The following XPO4 variants were observed in gnomAD, a reference collection of about 807,000 sequenced individuals.
XPO4 encodes exportin 4.
A neutral mutation model predicts 143.0 loss-of-function variants in XPO4; 39 were observed. The ratio of observed to expected loss-of-function variants is 0.27; its 90% CI spans 0.21 to 0.36. The LOEUF (loss-of-function observed/expected upper bound fraction) is 0.36, where lower values mean the gene tolerates loss of function less well. Ranked by LOEUF, XPO4 falls within the 10% of genes least tolerant of loss-of-function variation. The probability of loss-of-function intolerance (pLI) is 1.00; values close to 1 mark genes in which losing one functional copy is unlikely to be tolerated. For missense variants in XPO4, 907 were observed against 1,348.0 expected (o/e 0.67, Z 5.12); for synonymous variants, 439 against 474.0 (o/e 0.93, Z 0.96).
chr13:20,783,708 T>A lies in XPO4; in HGVS notation c.*14A>T, dbSNP rs574310674. The A allele has an allele frequency of 6.2e-7, 1 of 1,613,408 alleles. No homozygotes were observed. The highest frequency in any genetic ancestry group is 2.2e-5 in the East Asian group (1 of 44,878). ...TTGCAGAAAGGATCTAAATTAAGCA[T>A]AAAGTTCTGTTGTTTATTTTACACA... On this transcript the variant is annotated 3_prime_UTR_variant, in exon 23 of 23. Coordinates refer to ENST00000255305, the MANE Select transcript of XPO4 (RefSeq NM_022459.5).
At chr13:20,823,100 T>A (rs963097999) in intron 7 of XPO4, among the ~76,000 whole-genome samples, 2 of 152,202 alleles carry the variant, frequency 1.3e-5, no homozygotes, top group African/African-American at 2.4e-5. Context: ...AGTGAAGGAA[T>A]ATGATCATTA....
At position 20,777,360 on chromosome 13, in the gene XPO4, A is replaced by G. The variant is rs1002262946; in HGVS notation, c.*6362T>C. The G allele has an allele frequency of 1.3e-5, 2 of 152,228 alleles. No homozygotes were observed. Among genetic ancestry groups the G allele is most frequent in the Admixed American group, 1.3e-4 (2 of 15,290 alleles). 9.4% of individuals were successfully genotyped at this position (152,228 alleles called of 1,614,324 possible). A position where few individuals can be genotyped will look rare whatever the true frequency, so the allele number is the denominator to read the frequency against. ...TTAAATACAATGGAATTTATTGAGCATCTACTATTATATTTCATCCATCAC... is the reference window on the plus strand; with the variant it reads ...TTAAATACAATGGAATTTATTGAGCGTCTACTATTATATTTCATCCATCAC... On this transcript the variant is annotated 3_prime_UTR_variant, in exon 23 of 23. Coordinates refer to ENST00000255305, the MANE Select transcript of XPO4 (RefSeq NM_022459.5).
chr13:20,801,488 T>G (rs1253767469), intron 13 of XPO4, among the ~76,000 whole-genome samples: 1 of 152,220 alleles, frequency 6.6e-6, no homozygotes, highest in Non-Finnish European at 1.5e-5. Context: ...TTAAATCCAA[T>G]ATTTCCTAGT....
chr13:20,804,497 A>G (rs1426983468), intron 13 of XPO4, among the ~76,000 whole-genome samples: 3 of 151,528 alleles, frequency 2.0e-5, no homozygotes, highest in South Asian at 2.1e-4. Flanking sequence ...GTCACTGCCT[A>G]AAGTACTCTT....
rs1351413197 is a variant in XPO4, at chr13:20,779,124, C to A, written c.*4598G>T. ...GGGTCTTTAAATAAAACTGAAAAGT[C>A]TTAGTGTAAGTTTAAAATTTTAATA... On this transcript the variant is annotated 3_prime_UTR_variant, in exon 23 of 23. Transcript: ENST00000255305. 1.3e-5 allele frequency: 2 copies of A among 151,964 alleles called. No homozygotes were observed. The highest frequency in any genetic ancestry group is 2.9e-5 in the Non-Finnish European group (2 of 67,990). 9.4% of individuals were successfully genotyped at this position (151,964 alleles called of 1,614,324 possible). A position where few individuals can be genotyped will look rare whatever the true frequency, so the allele number is the denominator to read the frequency against.
Position 20,796,257 on chromosome 13 carries a change from C to CT in XPO4, c.2617-2dup. 2.0e-6 allele frequency: 3 copies of CT among 1,537,074 alleles called. No homozygotes were observed. Among genetic ancestry groups the CT allele is most frequent in the African/African-American group, 1.5e-5 (1 of 68,508 alleles). ...CTTCATATAAGTTCATAGCTTTGGACTGAAAAAAAAAAAAATGCACAAATT... is the reference window on the plus strand; with the variant it reads ...CTTCATATAAGTTCATAGCTTTGGACTTGAAAAAAAAAAAAATGCACAAATT... On this transcript the variant is annotated splice_acceptor_variant, in intron 17 of 22. Transcript: ENST00000255305. LOFTEE classifies it high-confidence loss of function.
In XPO4 at chr13:20,787,207, C is replaced by T. The variant is rs185512970; in HGVS notation, c.3166-150G>A. ...TTTCCTTAATGTTTTAAAAAAAATACCTTACAGATATTGCTACTTGCTGTG... is the reference window on the plus strand; with the variant it reads ...TTTCCTTAATGTTTTAAAAAAAATATCTTACAGATATTGCTACTTGCTGTG... On this transcript the variant is annotated intron_variant, in intron 21 of 22. Transcript: ENST00000255305. The T allele has an allele frequency of 8.0e-6, 6 of 752,080 alleles. No individual in the cohort carries two copies. In the Admixed American group the frequency reaches 1.8e-4, roughly 23 times the overall value. 46.6% of individuals were successfully genotyped at this position (752,080 alleles called of 1,614,324 possible).
intron 4 of XPO4, chr13:20,850,303 A>T (rs1440355061): frequency 3.1e-6 from 3 of 969,062 alleles, no homozygotes; most frequent in Non-Finnish European, 3.7e-6. Context: ...ATATTATCAC[A>T]TTTATTTTAC....
At chr13:20,881,654 T>C (rs1040991930) in intron 1 of XPO4, among the ~76,000 whole-genome samples, 2 of 152,178 alleles carry the variant, frequency 1.3e-5, no homozygotes, top group African/African-American at 4.8e-5. Context: ...ATAGACTTAC[T>C]ATGTTTGGTT....
At chr13:20,795,109 T>C (rs909739099) in intron 18 of XPO4, among the ~76,000 whole-genome samples, 3 of 151,804 alleles carry the variant, frequency 2.0e-5, no homozygotes, top group Non-Finnish European at 4.4e-5. Flanking sequence ...AAGTGGATAT[T>C]ATAGCACCCA....
intron 13 of XPO4, 122 bp from the exon 14 acceptor site, chr13:20,801,112 T>C: frequency 9.3e-7 from 1 of 1,075,498 alleles, no homozygotes; most frequent in Non-Finnish European, 1.3e-6. Flanking sequence ...AGGCTATACT[T>C]GAACATTTCA....
intron 2 of XPO4, among the ~76,000 whole-genome samples, chr13:20,866,593 A>G (rs1362835228): frequency 6.6e-6 from 1 of 152,228 alleles, no homozygotes; most frequent in African/African-American, 2.4e-5. Flanking sequence ...GTTTAGATGT[A>G]AACATTAATG....
chr13:20,805,603 C>T (rs2059493757), intron 13 of XPO4, among the ~76,000 whole-genome samples: 2 of 152,192 alleles, frequency 1.3e-5, no homozygotes, highest in Admixed American at 6.5e-5. Context: ...AGCCAACACT[C>T]ATCACACTAA....
In XPO4 at chr13:20,790,458, T is replaced by C; in HGVS notation, c.2916+4A>G. 6.2e-7 allele frequency: 1 copy of C among 1,606,934 alleles called. No individual in the cohort carries two copies. Among genetic ancestry groups the C allele is most frequent in the Non-Finnish European group, 8.5e-7 (1 of 1,173,414 alleles). ...GTATGTTCACATTCAATTTCATTAA[T>C]TACCTTCAAGAGATCCTGTGACATC... On this transcript the variant is annotated splice_donor_region_variant and intron_variant, in intron 19 of 22. Transcript: ENST00000255305.
intron 6 of XPO4, 132 bp downstream of exon 6, chr13:20,842,763 C>T: frequency 1.2e-6 from 1 of 820,686 alleles, no homozygotes; most frequent in Non-Finnish European, 1.8e-6. Flanking sequence ...AAATTAAATT[C>T]TATTTCTTAA....
At position 20,848,642 on chromosome 13, in the gene XPO4, A is replaced by C. The variant is rs576887437; in HGVS notation, c.457-4756T>G. ...ACTAAATGTGTTACACCACTTAAAA[A>C]ACAGAGCTATAACTGAAGCTGTATC... On this transcript the variant is annotated intron_variant, in intron 4 of 22. Transcript: ENST00000255305. The C allele has an allele frequency of 1.1e-4, 113 of 985,392 alleles. No homozygotes were observed. In the Middle Eastern group the frequency reaches 1.6e-3, roughly 14 times the overall value. 61.0% of individuals were successfully genotyped at this position (985,392 alleles called of 1,614,324 possible).
intron 9 of XPO4, among the ~76,000 whole-genome samples, chr13:20,814,192 CAA>C (rs35203359): frequency 8.6e-4 from 84 of 97,876 alleles, no homozygotes; most frequent in Admixed American, 1.9e-3. Context: ...ACCCAGTCTC[CAA>C]AAAAAAAAAA....
chr13:20,829,117 T>TTTTG (rs768758131), intron 6 of XPO4, among the ~76,000 whole-genome samples: 5 of 152,050 alleles, frequency 3.3e-5, no homozygotes, highest in African/African-American at 9.7e-5. Flanking sequence ...TGTGTGTACT[T>TTTTG]TTTGTTTGTT....
chr13:20,876,583 G>A (rs1256869827), intron 1 of XPO4, among the ~76,000 whole-genome samples: 1 of 152,084 alleles, frequency 6.6e-6, no homozygotes, highest in African/African-American at 2.4e-5. Context: ...ACTTTAATAG[G>A]AAGAAAACAT....
Sources: allele counts gnomAD v4.1 joint callset (sites outside exome capture counted in the v4.1 genomes callset), GRCh38; gene constraint gnomAD v4.1.1; transcripts MANE v1.5; gene names NCBI Gene and HGNC (gene_info 2026-07-23, HGNC 2026-07-21).